Variants in KCNK13 observed in about 807,000 individuals in gnomAD.
KCNK13 encodes the protein potassium two pore domain channel subfamily K member 13, also known as potassium channel subfamily K member 13.
Under a neutral mutation model 23.4 loss-of-function variants are expected in KCNK13, and 12 were observed. That is an observed-to-expected ratio of 0.51 (90% CI 0.33 to 0.83). The LOEUF is 0.83. Among genes scored for constraint, KCNK13 ranks in the 40% least tolerant of loss-of-function variants. The pLI, the probability that KCNK13 is intolerant of heterozygous loss-of-function variation, is 0.02. For missense variants in KCNK13, 463 were observed against 556.3 expected (o/e 0.83, Z 1.69); for synonymous variants, 231 against 229.5 (o/e 1.01, Z -0.06).
At chr14:90,124,385 A>C (rs1596788107) in intron 1 of KCNK13, among the ~76,000 whole-genome samples, 1 of 152,240 alleles carries the variant, frequency 6.6e-6, no homozygotes, top group Non-Finnish European at 1.5e-5. Context: ...ACTTAATCAC[A>C]TGAGGTCTTA....
intron 1 of KCNK13, among the ~76,000 whole-genome samples, chr14:90,134,430 T>G (rs1889911335): frequency 6.6e-6 from 1 of 152,220 alleles, no homozygotes; most frequent in Non-Finnish European, 1.5e-5. Context: ...GAACATAGCC[T>G]TAGAAGATTA....
intron 1 of KCNK13, chr14:90,107,964 C>T (rs878919392): frequency 4.8e-5 from 35 of 729,854 alleles, no homozygotes; most frequent in South Asian, 2.8e-4. Context: ...GAACTGCTGA[C>T]GCGGCTAAAG....
At chr14:90,088,685 A>G (rs992190230) in intron 1 of KCNK13, among the ~76,000 whole-genome samples, 2 of 152,190 alleles carry the variant, frequency 1.3e-5, no homozygotes, top group African/African-American at 4.8e-5. Flanking sequence ...GCTACAGATG[A>G]TCCCTTTGGG....
chr14:90,143,198 CT>C (rs374648757), intron 1 of KCNK13, among the ~76,000 whole-genome samples: 5 of 88,122 alleles, frequency 5.7e-5, no homozygotes, highest in Non-Finnish European at 9.4e-5. Context: ...TTCTTTCTTT[CT>C]TTTCTTTCTT....
intron 1 of KCNK13, among the ~76,000 whole-genome samples, chr14:90,133,312 A>G (rs991683904): frequency 6.6e-6 from 1 of 152,208 alleles, no homozygotes. Context: ...TCCCATCTAT[A>G]TGAAATGTCC....
chr14:90,173,620 C>T (rs898195980), intron 1 of KCNK13, among the ~76,000 whole-genome samples: 2 of 152,078 alleles, frequency 1.3e-5, no homozygotes, highest in Non-Finnish European at 2.9e-5. Context: ...TGTTTGTTTG[C>T]AGGGCACTAA....
intron 1 of KCNK13, among the ~76,000 whole-genome samples, chr14:90,086,412 T>C (rs996165951): frequency 6.6e-6 from 1 of 152,142 alleles, no homozygotes; most frequent in Non-Finnish European, 1.5e-5. Flanking sequence ...TGGTAAAACT[T>C]TGTTTCAAAC....
intron 1 of KCNK13, among the ~76,000 whole-genome samples, chr14:90,140,169 G>T (rs572099955): frequency 2.6e-5 from 4 of 152,164 alleles, no homozygotes; most frequent in African/African-American, 9.6e-5. Flanking sequence ...TGGCTTTGGG[G>T]TTCGATGTTG....
At chr14:90,085,164 G>A (rs1399584046) in intron 1 of KCNK13, among the ~76,000 whole-genome samples, 2 of 151,748 alleles carry the variant, frequency 1.3e-5, no homozygotes, top group Non-Finnish European at 2.9e-5. Context: ...GGCTGGTCTT[G>A]AACTCCTGAC....
chr14:90,063,430 C>G (rs1159683819), intron 1 of KCNK13, among the ~76,000 whole-genome samples: 2 of 151,940 alleles, frequency 1.3e-5, no homozygotes, highest in Non-Finnish European at 2.9e-5. Flanking sequence ...TGCGCCACAC[C>G]CCTAAAGATT....
chr14:90,107,350 C>T (rs766525182), intron 1 of KCNK13, among the ~76,000 whole-genome samples: 6 of 151,772 alleles, frequency 4.0e-5, no homozygotes, highest in East Asian at 2.0e-4. Flanking sequence ...TGGTGGCGGG[C>T]GCCTGTAGTC....
At chr14:90,170,444 C>T (rs1890352017) in intron 1 of KCNK13, among the ~76,000 whole-genome samples, 1 of 152,148 alleles carries the variant, frequency 6.6e-6, no homozygotes, top group South Asian at 2.1e-4. Flanking sequence ...CAACTCCTGA[C>T]CTCAGGTGAT....
Position 90,143,005 on chromosome 14 carries a change from C to T in KCNK13, c.335-41106C>T, listed in dbSNP as rs559884203. Among the ~76,000 whole-genome samples the T allele has an allele frequency of 3.0e-4, 45 of 152,240 alleles. No individual in the cohort carries two copies. In the South Asian group the frequency reaches 4.8e-3, roughly 16 times the overall value. ...AAGGGCTAGTTAATAAGGTTTGTTA[C>T]GTAGATTCCTCTGGTGCCAATTGCT... On this transcript the variant is annotated intron_variant, in intron 1 of 1. Transcript: ENST00000282146.
intron 1 of KCNK13, chr14:90,108,081 T>TG (rs1339975504): frequency 1.6e-5 from 8 of 510,210 alleles, no homozygotes; most frequent in Admixed American, 8.5e-5. Context: ...TGGATGAATT[T>TG]GGGGGGCACA....
intron 1 of KCNK13, among the ~76,000 whole-genome samples, chr14:90,152,202 C>A (rs144753729): frequency 1.3e-5 from 2 of 152,190 alleles, no homozygotes; most frequent in African/African-American, 4.8e-5. Context: ...TTATAAAGGG[C>A]AGTTTCCCTG....
chr14:90,164,611 T>G (rs1444530170), intron 1 of KCNK13, among the ~76,000 whole-genome samples: 1 of 152,230 alleles, frequency 6.6e-6, no homozygotes, highest in Admixed American at 6.5e-5. Flanking sequence ...TGTAGGTTAA[T>G]GCAGTATACC....
At chr14:90,093,335 G>A (rs1442910775) in intron 1 of KCNK13, among the ~76,000 whole-genome samples, 2 of 152,152 alleles carry the variant, frequency 1.3e-5, no homozygotes, top group Admixed American at 6.5e-5. Flanking sequence ...GTGTAGAATT[G>A]CTATTGTTCT....
At chr14:90,126,696 A>G (rs1889805653) in intron 1 of KCNK13, among the ~76,000 whole-genome samples, 2 of 152,016 alleles carry the variant, frequency 1.3e-5, no homozygotes, top group Non-Finnish European at 2.9e-5. Flanking sequence ...GGCACACGCC[A>G]CCATCCCTGG....
chr14:90,125,887 G>T (rs1165198651), intron 1 of KCNK13, among the ~76,000 whole-genome samples: 1 of 151,940 alleles, frequency 6.6e-6, no homozygotes, highest in Non-Finnish European at 1.5e-5. Context: ...AGCTGGGCGT[G>T]GTGGAATGCA....
Sources: allele counts gnomAD v4.1 joint callset (sites outside exome capture counted in the v4.1 genomes callset), GRCh38; gene constraint gnomAD v4.1.1; transcripts MANE v1.5; gene names NCBI Gene and HGNC (gene_info 2026-07-23, HGNC 2026-07-21).